The following COG5 variants were observed in gnomAD, a reference collection of about 807,000 sequenced individuals.
The protein encoded by COG5 is conserved oligomeric Golgi complex subunit 5.
A neutral mutation model predicts 110.4 loss-of-function variants in COG5; 86 were observed. That is an observed-to-expected ratio of 0.78 (90% CI 0.65 to 0.93). COG5 has a LOEUF of 0.93. Ranked by LOEUF, COG5 falls within the 40% of genes least tolerant of loss-of-function variation. COG5 has a pLI of 0.00. For synonymous variants in COG5, 360 were observed against 334.6 expected (o/e 1.08, Z -0.83); for missense variants, 1,077 against 987.0 (o/e 1.09, Z -1.22).
chr7:107,323,725 G>A (rs907283766), intron 11 of COG5, among the ~76,000 whole-genome samples: 2 of 152,166 alleles, frequency 1.3e-5, no homozygotes, highest in Non-Finnish European at 2.9e-5. Context: ...TCAGTGTAGG[G>A]AGGGCAGTGG....
chr7:107,377,725 T>C (rs1814752098), intron 7 of COG5, among the ~76,000 whole-genome samples: 1 of 152,078 alleles, frequency 6.6e-6, no homozygotes, highest in Non-Finnish European at 1.5e-5. Flanking sequence ...AACGGGTAAA[T>C]AAAATAATCT....
intron 7 of COG5, among the ~76,000 whole-genome samples, chr7:107,405,744 T>C (rs1345036449): frequency 6.6e-6 from 1 of 152,098 alleles, no homozygotes; most frequent in Admixed American, 6.5e-5. Flanking sequence ...GATGAAATCC[T>C]AACTGCCAAG....
At chr7:107,259,142 A>AG (rs1490392331) in intron 14 of COG5, among the ~76,000 whole-genome samples, 1 of 150,898 alleles carries the variant, frequency 6.6e-6, no homozygotes, top group East Asian at 1.9e-4. Flanking sequence ...TTCAAATTTA[A>AG]GAAAAAAAAA....
chr7:107,273,694 G>A (rs1217530302), intron 14 of COG5, among the ~76,000 whole-genome samples: 1 of 151,754 alleles, frequency 6.6e-6, no homozygotes, highest in Non-Finnish European at 1.5e-5. Context: ...TTGCTCAATT[G>A]AATTCAAGAT....
intron 6 of COG5, among the ~76,000 whole-genome samples, chr7:107,509,621 G>A (rs1428614993): frequency 6.6e-6 from 1 of 152,148 alleles, no homozygotes; most frequent in Non-Finnish European, 1.5e-5. Flanking sequence ...TTGAAATGAA[G>A]GACAAAATGT....
At chr7:107,206,103 G>C (rs1798760786) in intron 21 of COG5, among the ~76,000 whole-genome samples, 1 of 152,120 alleles carries the variant, frequency 6.6e-6, no homozygotes, top group South Asian at 2.1e-4. Flanking sequence ...TGGGACTACA[G>C]GCGCCCGCCA....
chr7:107,382,717 G>A (rs1409974197), intron 7 of COG5, among the ~76,000 whole-genome samples: 1 of 152,142 alleles, frequency 6.6e-6, no homozygotes. Context: ...GAGATTACAG[G>A]CATGAGCCAC....
chr7:107,329,942 T>C (rs1810103132), intron 10 of COG5, among the ~76,000 whole-genome samples: 1 of 152,202 alleles, frequency 6.6e-6, no homozygotes, highest in Non-Finnish European at 1.5e-5. Flanking sequence ...ATCACATAAA[T>C]ATAATTTCCT....
chr7:107,394,782 T>A (rs1051762729), intron 7 of COG5, among the ~76,000 whole-genome samples: 1 of 152,158 alleles, frequency 6.6e-6, no homozygotes, highest in Non-Finnish European at 1.5e-5. Context: ...AATATGCAAG[T>A]CCAGGGGCCC....
In COG5 at chr7:107,403,837, T is replaced by G. The variant is rs543194381; in HGVS notation, c.669+8665A>C. 2.6e-5 allele frequency among the ~76,000 whole-genome samples: 4 copies of G among 152,182 alleles called. No individual in the cohort carries two copies. The East Asian group carries it at 7.7e-4, about 29-fold the overall frequency. The stretch of plus-strand genomic sequence containing the variant: ...TAAGGAGAATTTAAGGAGGATGCAT[T>G]GGGAACATAGCAGCCATAAAAATGA... On this transcript the variant is annotated intron_variant, in intron 7 of 21. Coordinates refer to ENST00000297135, the MANE Select transcript of COG5 (RefSeq NM_006348.5).
At chr7:107,541,523 A>AAAAAAAATATATATATATAT (rs60423657) in intron 5 of COG5, among the ~76,000 whole-genome samples, 1 of 57,028 alleles carries the variant, frequency 1.8e-5, no homozygotes, top group African/African-American at 6.7e-5. Flanking sequence ...AAAAAAAAAA[A>AAAAAAAATATATATATATAT]ATATATATAT....
At chr7:107,529,857 T>C (rs748345580) in intron 5 of COG5, among the ~76,000 whole-genome samples, 1 of 152,226 alleles carries the variant, frequency 6.6e-6, no homozygotes, top group African/African-American at 2.4e-5. Flanking sequence ...TTGAGGTTGC[T>C]GCAGACCTGT....
At chr7:107,238,646 C>T (rs1405171232) in intron 17 of COG5, among the ~76,000 whole-genome samples, 1 of 152,138 alleles carries the variant, frequency 6.6e-6, no homozygotes, top group African/African-American at 2.4e-5. Flanking sequence ...TTCTGTACAT[C>T]GTCTTTCACA....
chr7:107,341,863 T>C (rs1054649522), intron 10 of COG5, among the ~76,000 whole-genome samples: 2 of 152,160 alleles, frequency 1.3e-5, no homozygotes, highest in African/African-American at 4.8e-5. Context: ...TACCTTTTAT[T>C]ATATGCAAAA....
intron 6 of COG5, among the ~76,000 whole-genome samples, chr7:107,467,762 C>T (rs948079547): frequency 1.1e-4 from 16 of 152,036 alleles, no homozygotes; most frequent in Non-Finnish European, 2.9e-5. Context: ...GTTAAGATTT[C>T]GGCATACCTT....
intron 6 of COG5, among the ~76,000 whole-genome samples, chr7:107,513,607 A>C (rs977509156): frequency 8.5e-5 from 13 of 152,240 alleles, no homozygotes; most frequent in African/African-American, 3.1e-4. Flanking sequence ...ACGTATGTTT[A>C]CTGTGGCACT....
intron 6 of COG5, among the ~76,000 whole-genome samples, chr7:107,441,427 T>C (rs1177668207): frequency 1.3e-5 from 2 of 152,200 alleles, no homozygotes; most frequent in Admixed American, 6.5e-5. Flanking sequence ...CTCCATTCTT[T>C]GTTTTTGTCG....
At chr7:107,508,597 G>A (rs912051176) in intron 6 of COG5, among the ~76,000 whole-genome samples, 4 of 152,194 alleles carry the variant, frequency 2.6e-5, no homozygotes, top group African/African-American at 9.6e-5. Context: ...GTGGGTCCGT[G>A]ACCCCCGAGC....
At chr7:107,537,304 A>G (rs1233182093) in intron 5 of COG5, among the ~76,000 whole-genome samples, 2 of 152,202 alleles carry the variant, frequency 1.3e-5, no homozygotes, top group African/African-American at 4.8e-5. Context: ...GTTTACTGCA[A>G]CACTGTTCAC....
Sources: allele counts gnomAD v4.1 joint callset (sites outside exome capture counted in the v4.1 genomes callset), GRCh38; gene constraint gnomAD v4.1.1; transcripts MANE v1.5; gene names NCBI Gene and HGNC (gene_info 2026-07-23, HGNC 2026-07-21).